Variants in FOXO3 observed in about 807,000 individuals in gnomAD.
The protein encoded by FOXO3 is forkhead box O3.
Under a neutral mutation model 41.9 loss-of-function variants are expected in FOXO3, and 4 were observed. That is an observed-to-expected ratio of 0.10 (90% CI 0.05 to 0.22). FOXO3 has a LOEUF of 0.22. Among genes scored for constraint, FOXO3 ranks in the 10% least tolerant of loss-of-function variants. The pLI, the probability that FOXO3 is intolerant of heterozygous loss-of-function variation, is 1.00. For missense variants in FOXO3, 534 were observed against 906.8 expected, an observed-to-expected ratio of 0.59 and a Z score of 5.28; for synonymous variants, 318 against 389.3, an observed-to-expected ratio of 0.82 and a Z score of 2.16.
intron 2 of FOXO3, among the ~76,000 whole-genome samples, chr6:108,675,991 G>A (rs1770573381): frequency 6.6e-6 from 1 of 152,160 alleles, no homozygotes. Flanking sequence ...AGTATCATGT[G>A]ATTTATGGTG....
At chr6:108,667,934 C>G (rs1348828799) in intron 2 of FOXO3, among the ~76,000 whole-genome samples, 3 of 152,298 alleles carry the variant, frequency 2.0e-5, no homozygotes, top group South Asian at 2.1e-4. Context: ...ATCCATTGTT[C>G]TTTCAGCAGC....
intron 1 of FOXO3, among the ~76,000 whole-genome samples, chr6:108,634,614 A>G (rs536043744): frequency 6.6e-6 from 1 of 152,262 alleles, no homozygotes; most frequent in East Asian, 1.9e-4. Flanking sequence ...TCCAACAGGC[A>G]TGAGACCTTT....
intron 1 of FOXO3, among the ~76,000 whole-genome samples, chr6:108,629,817 T>A (rs1777912865): frequency 6.6e-6 from 1 of 152,164 alleles, no homozygotes; most frequent in Non-Finnish European, 1.5e-5. Context: ...ATATTTTTCC[T>A]CCATAAATTC....
chr6:108,575,662 G>A (rs1562230246), intron 1 of FOXO3, among the ~76,000 whole-genome samples: 1 of 152,130 alleles, frequency 6.6e-6, no homozygotes, highest in Non-Finnish European at 1.5e-5. Context: ...ATTTCAGTCC[G>A]AATTGGATAC....
chr6:108,678,308 T>G (rs997788392), intron 2 of FOXO3, among the ~76,000 whole-genome samples: 7 of 152,214 alleles, frequency 4.6e-5, no homozygotes, highest in African/African-American at 1.2e-4. Context: ...ATTACTTATT[T>G]ACCTTGTCTG....
rs528681596 is a variant in FOXO3, at chr6:108,666,884, G to A, written c.*34+1995G>A. On this transcript the variant is annotated intron_variant, in intron 2 of 2. Transcript: ENST00000406360. ...TTAACAGGTTCTGTTCCGTGCCCCA[G>A]CCCTTTTGCTTTGTTTTGTTTTAGT... is the stretch of plus-strand genomic sequence containing the variant. 2.0e-4 allele frequency among the ~76,000 whole-genome samples: 30 copies of A among 152,248 alleles called. No homozygotes were observed. In the East Asian group the frequency reaches 5.6e-3, roughly 28 times the overall value.
intron 1 of FOXO3, among the ~76,000 whole-genome samples, chr6:108,662,842 T>C (rs1328433867): frequency 6.6e-6 from 1 of 152,138 alleles, no homozygotes; most frequent in Non-Finnish European, 1.5e-5. Context: ...GGCCAGTAAT[T>C]AGGGGCCTTT....
intron 1 of FOXO3, chr6:108,618,333 A>G (rs1380775189): frequency 4.8e-6 from 3 of 620,186 alleles, no homozygotes; most frequent in Admixed American, 4.3e-5. Flanking sequence ...AAGAGATATC[A>G]GGTCCACACT....
At chr6:108,652,746 G>C (rs567413365) in intron 1 of FOXO3, among the ~76,000 whole-genome samples, 1 of 152,338 alleles carries the variant, frequency 6.6e-6, no homozygotes, top group South Asian at 2.1e-4. Context: ...TCAGATTGTA[G>C]GTGAAGTAGA....
chr6:108,587,193 T>G (rs139525561), intron 1 of FOXO3, among the ~76,000 whole-genome samples: 5 of 152,118 alleles, frequency 3.3e-5, no homozygotes, highest in Admixed American at 2.6e-4. Flanking sequence ...GTGGACCAAG[T>G]TGACCAAGCT....
At chr6:108,608,400 T>C (rs780825319) in intron 1 of FOXO3, among the ~76,000 whole-genome samples, 2 of 152,210 alleles carry the variant, frequency 1.3e-5, no homozygotes, top group Non-Finnish European at 1.5e-5. Flanking sequence ...CTGGGAATTG[T>C]CTTTTGTCCC....
chr6:108,601,982 A>G (rs982574256), intron 1 of FOXO3, among the ~76,000 whole-genome samples: 13 of 152,224 alleles, frequency 8.5e-5, no homozygotes, highest in Non-Finnish European at 4.4e-5. Flanking sequence ...ATGTGAACGT[A>G]AATTTTCATT....
At chr6:108,659,885 G>A (rs967303881) in intron 1 of FOXO3, among the ~76,000 whole-genome samples, 1 of 152,208 alleles carries the variant, frequency 6.6e-6, no homozygotes, top group African/African-American at 2.4e-5. Context: ...TTTATGTGGG[G>A]CATTTTGCAG....
chr6:108,661,032 C>T (rs574461301), intron 1 of FOXO3, among the ~76,000 whole-genome samples: 19 of 152,130 alleles, frequency 1.2e-4, no homozygotes, highest in Admixed American at 2.6e-4. Context: ...TGCACTCCAA[C>T]CTGGGCAACA....
Position 108,680,751 on chromosome 6 carries a change from G to GAA in FOXO3, c.*972_*973dup, listed in dbSNP as rs34312944. On this transcript the variant is annotated 3_prime_UTR_variant, in exon 3 of 3. Transcript: ENST00000406360. ...GTTTAGTTTTAAGGAGAAAGAAAAG[G>GAA]AAAAAAAAAAAAAACAAAAAAGTCC... The GAA allele has an allele frequency of 6.9e-3, 945 of 137,068 alleles. 5 individuals are homozygous for GAA. Among genetic ancestry groups the GAA allele is most frequent in the South Asian group, 0.028 (126 of 4,508 alleles). 8.5% of individuals were successfully genotyped at this position (137,068 alleles called of 1,614,324 possible).
chr6:108,604,978 A>C (rs573496661), intron 1 of FOXO3, among the ~76,000 whole-genome samples: 7 of 152,340 alleles, frequency 4.6e-5, no homozygotes, highest in African/African-American at 1.7e-4. Flanking sequence ...CTGTTCCACC[A>C]CAGGATGTGG....
chr6:108,567,937 A>G (rs1417251938), intron 1 of FOXO3, among the ~76,000 whole-genome samples: 1 of 152,104 alleles, frequency 6.6e-6, no homozygotes, highest in African/African-American at 2.4e-5. Context: ...AATCCCAGCT[A>G]CTAGGGAGGC....
chr6:108,667,189 G>A (rs1381827691), intron 2 of FOXO3, among the ~76,000 whole-genome samples: 1 of 152,174 alleles, frequency 6.6e-6, no homozygotes. Context: ...TGAAAAGACT[G>A]TAATGGAAGC....
intron 1 of FOXO3, among the ~76,000 whole-genome samples, chr6:108,607,960 T>G (rs1450560949): frequency 6.6e-6 from 1 of 152,182 alleles, no homozygotes; most frequent in South Asian, 2.1e-4. Context: ...TCTTTATAAT[T>G]ACCAGATTCT....
Sources: allele counts gnomAD v4.1 joint callset (sites outside exome capture counted in the v4.1 genomes callset), GRCh38; gene constraint gnomAD v4.1.1; transcripts MANE v1.5; gene names NCBI Gene and HGNC (gene_info 2026-07-23, HGNC 2026-07-21).